Variants in LRGUK observed in about 807,000 individuals in gnomAD.
The protein encoded by LRGUK is leucine rich repeats and guanylate kinase domain containing.
A neutral mutation model predicts 76.0 loss-of-function variants in LRGUK; 65 were observed. That is an observed-to-expected ratio of 0.85 (90% CI 0.70 to 1.05). The LOEUF is 1.05. Ranked by LOEUF, LRGUK falls within the 50% of genes least tolerant of loss-of-function variation. LRGUK has a pLI of 0.00. For synonymous variants in LRGUK, 268 were observed against 265.6 expected, an observed-to-expected ratio of 1.01 and a Z score of -0.09; for missense variants, 758 against 732.8, an observed-to-expected ratio of 1.03 and a Z score of -0.40.
chr7:134,136,788 A>C (rs1315081813), intron 1 of LRGUK, among the ~76,000 whole-genome samples: 1 of 152,204 alleles, frequency 6.6e-6, no homozygotes, highest in Non-Finnish European at 1.5e-5. Flanking sequence ...TGCCTAATGC[A>C]AGTGACCACC....
chr7:134,161,688 C>CTTTT (rs57550981), intron 6 of LRGUK, among the ~76,000 whole-genome samples: 6 of 105,454 alleles, frequency 5.7e-5, no homozygotes, highest in East Asian at 2.6e-4. Flanking sequence ...TATTGTTATT[C>CTTTT]TTTTTTTTTT....
chr7:134,229,127 G>A (rs1203265121), intron 16 of LRGUK, among the ~76,000 whole-genome samples: 1 of 152,110 alleles, frequency 6.6e-6, no homozygotes, highest in Non-Finnish European at 1.5e-5. Context: ...TGTAATCCCA[G>A]TACTTTGGGA....
At chr7:134,211,273 A>G (rs754624198), downstream of LRGUK, among the ~76,000 whole-genome samples, 6 of 152,264 alleles carry the variant, frequency 3.9e-5, no homozygotes, top group African/African-American at 7.2e-5. Context: ...GGTGTCAGCA[A>G]GTAGCCTTTG....
At chr7:134,263,692 G>A (rs542515290) in intron 19 of LRGUK, among the ~76,000 whole-genome samples, 153 bp from the exon 20 acceptor site, 26 of 145,520 alleles carry the variant, frequency 1.8e-4, no homozygotes, top group African/African-American at 5.9e-4. Context: ...TGCAATTATA[G>A]GTGTAAGCCA....
intron 15 of LRGUK, among the ~76,000 whole-genome samples, chr7:134,218,551 G>A (rs948302737): frequency 2.6e-5 from 4 of 152,062 alleles, no homozygotes; most frequent in Non-Finnish European, 4.4e-5. Flanking sequence ...TTTATAACTT[G>A]ACCCCCAAAT....
chr7:134,181,986 A>G (rs1799772429), intron 10 of LRGUK, among the ~76,000 whole-genome samples: 1 of 152,192 alleles, frequency 6.6e-6, no homozygotes, highest in Non-Finnish European at 1.5e-5. Flanking sequence ...ACTCTATAAT[A>G]GCCATAGCAC....
exon 20 of LRGUK, chr7:134,264,021 G>C: frequency 2.6e-6 from 4 of 1,560,590 alleles, no homozygotes; most frequent in Non-Finnish European, 3.5e-6. Flanking sequence ...CTGCTCTGCT[G>C]ATGTCGAATT....
chr7:134,252,279 A>C (rs897843429), intron 18 of LRGUK, among the ~76,000 whole-genome samples: 35 of 152,172 alleles, frequency 2.3e-4, no homozygotes, highest in Middle Eastern at 6.8e-3. Flanking sequence ...TTAAAGCTGC[A>C]GTGAGCCATG....
In LRGUK at chr7:134,210,113, G is replaced by A. The variant is rs113987610; in HGVS notation, c.3250G>A (p.Ala1084Thr). The change falls in exon 16 of 16, where the codon GCT becomes ACT. Residue 1084 changes from alanine (A) to threonine (T), a missense_variant. Physicochemically the swap from Ala to Thr is moderately conservative, Grantham distance 58. Coordinates refer to ENST00000645682, the Ensembl canonical transcript of LRGUK. ...AAAGCTCCCCAACCAGAAAGGGACG[G>A]CTAGAGGACTGGCACCTCTGGAAGA... 4.9e-3 allele frequency: 1,969 copies of A among 399,420 alleles called. 8 individuals carry two copies. Among genetic ancestry groups the A allele is most frequent in the Non-Finnish European group, 5.7e-3 (1,292 of 226,434 alleles). The allele number at this position is 399,420 out of a possible 1,614,324, so 24.7% of individuals were successfully genotyped here.
chr7:134,266,782 C>T (rs1802864619), downstream of LRGUK, among the ~76,000 whole-genome samples: 1 of 152,028 alleles, frequency 6.6e-6, no homozygotes, highest in Admixed American at 6.6e-5. Flanking sequence ...AGCCAAAAAC[C>T]TACAAATCCA....
intron 2 of LRGUK, among the ~76,000 whole-genome samples, chr7:134,138,093 A>G (rs748805137): frequency 1.3e-5 from 2 of 152,214 alleles, no homozygotes; most frequent in African/African-American, 2.4e-5. Context: ...CAGTCAGGCA[A>G]TAACATACAG....
At chr7:134,242,061 G>C (rs574332088) in intron 16 of LRGUK, among the ~76,000 whole-genome samples, 15 of 152,212 alleles carry the variant, frequency 9.9e-5, no homozygotes, top group Non-Finnish European at 1.3e-4. Context: ...GCAGTGTGTA[G>C]AGGGAAATTT....
intron 5 of LRGUK, among the ~76,000 whole-genome samples, chr7:134,154,484 G>A (rs1290422492): frequency 2.6e-5 from 4 of 152,192 alleles, no homozygotes; most frequent in African/African-American, 9.7e-5. Flanking sequence ...GCCCACATGA[G>A]GTGACTGTGG....
chr7:134,252,209 G>T (rs1336282496), intron 18 of LRGUK, among the ~76,000 whole-genome samples: 1 of 151,872 alleles, frequency 6.6e-6, no homozygotes, highest in Admixed American at 6.6e-5. Flanking sequence ...ATGGTGGTGT[G>T]TGCCTGTCGT....
intron 15 of LRGUK, among the ~76,000 whole-genome samples, chr7:134,217,147 C>T (rs1379904409): frequency 6.8e-6 from 1 of 146,276 alleles, no homozygotes; most frequent in Non-Finnish European, 1.5e-5. Context: ...TCATTAAATA[C>T]TCATCCTTTT....
At chr7:134,133,738 C>A (rs745488606) in intron 1 of LRGUK, among the ~76,000 whole-genome samples, 4 of 152,058 alleles carry the variant, frequency 2.6e-5, no homozygotes, top group Non-Finnish European at 4.4e-5. Context: ...GAACAAGGAT[C>A]AGAGACTTGA....
chr7:134,199,982 T>TTA (rs71172442), intron 14 of LRGUK, among the ~76,000 whole-genome samples: 1,063 of 38,338 alleles, frequency 0.028, 27 homozygotes, highest in Non-Finnish European at 0.033. Flanking sequence ...CTAGAAACTT[T>TTA]TATATATATA....
intron 4 of LRGUK, among the ~76,000 whole-genome samples, chr7:134,146,414 G>A (rs1797972032): frequency 6.6e-6 from 1 of 152,120 alleles, no homozygotes; most frequent in South Asian, 2.1e-4. Flanking sequence ...TAATAAGTAA[G>A]CCCTATCATG....
intron 15 of LRGUK, chr7:134,208,612 A>G (rs10236581): frequency 4.5e-5 from 18 of 397,568 alleles, no homozygotes; most frequent in African/African-American, 3.5e-4. Flanking sequence ...TCAAGGGCCT[A>G]TGTGCATCTA....
Sources: allele counts gnomAD v4.1 joint callset (sites outside exome capture counted in the v4.1 genomes callset), GRCh38; gene constraint gnomAD v4.1.1; transcripts MANE v1.5; gene names NCBI Gene and HGNC (gene_info 2026-07-23, HGNC 2026-07-21).